The following INPP4A variants were observed in gnomAD, a reference collection of about 807,000 sequenced individuals.
INPP4A encodes the protein inositol polyphosphate-4-phosphatase type I A, also known as inositol polyphosphate-4-phosphatase, type I, 107kD.
In INPP4A, 33 loss-of-function variants were observed where a neutral mutation model predicts 119.8. That is an observed-to-expected ratio of 0.28 (90% confidence interval 0.21 to 0.37). The LOEUF (loss-of-function observed/expected upper bound fraction) is 0.37, where lower values mean the gene tolerates loss of function less well. Among genes scored for constraint, INPP4A ranks in the 10% least tolerant of loss-of-function variants. INPP4A has a pLI of 1.00. For synonymous variants in INPP4A, 496 were observed against 500.7 expected (o/e 0.99, Z 0.12); for missense variants, 956 against 1,289.9 (o/e 0.74, Z 3.97).
chr2:98,520,177 C>T lies in INPP4A; in HGVS notation c.106+23C>T, dbSNP rs374179416. 114 of 1,533,714 alleles carry T rather than the reference C, an allele frequency of 7.4e-5. 2 individuals carry two copies. Among genetic ancestry groups the T allele is most frequent in the Admixed American group, 6.5e-4 (33 of 51,056 alleles). Reference sequence around the variant, plus strand: ...CAGGTGAGCCTCACAGGGCCTGCACCGGGCTCCAGGTATGAGCTCACAGCA... The same window carrying T: ...CAGGTGAGCCTCACAGGGCCTGCACTGGGCTCCAGGTATGAGCTCACAGCA... On this transcript the variant is annotated intron_variant, in intron 3 of 24. Coordinates refer to ENST00000409851, the MANE Select transcript of INPP4A (RefSeq NM_001134225.2).
intron 1 of INPP4A, among the ~76,000 whole-genome samples, chr2:98,450,409 T>G (rs577613490): frequency 6.6e-6 from 1 of 152,250 alleles, no homozygotes; most frequent in Admixed American, 6.5e-5. Context: ...AATCAGGAAT[T>G]TCTTTTACAC....
chr2:98,484,200 C>G (rs1034316828), intron 1 of INPP4A, among the ~76,000 whole-genome samples: 8 of 152,162 alleles, frequency 5.3e-5, no homozygotes, highest in African/African-American at 1.9e-4. Context: ...ATGACTCTGT[C>G]TGCAGGGATG....
chr2:98,532,013 G>GA (rs1689330750), intron 4 of INPP4A, among the ~76,000 whole-genome samples: 1 of 152,222 alleles, frequency 6.6e-6, no homozygotes, highest in Non-Finnish European at 1.5e-5. Flanking sequence ...CTTAATGTCA[G>GA]AAAAAGTGTA....
At chr2:98,495,828 T>C (rs1681821976) in intron 1 of INPP4A, among the ~76,000 whole-genome samples, 2 of 152,118 alleles carry the variant, frequency 1.3e-5, no homozygotes, top group South Asian at 4.1e-4. Flanking sequence ...GCCAGACTCT[T>C]AGTTAATTCT....
At chr2:98,513,195 A>T (rs929787337) in intron 1 of INPP4A, among the ~76,000 whole-genome samples, 1 of 152,104 alleles carries the variant, frequency 6.6e-6, no homozygotes, top group African/African-American at 2.4e-5. Context: ...GCCTCCCAGA[A>T]TCAGTCCTTC....
intron 24 of INPP4A, among the ~76,000 whole-genome samples, chr2:98,580,423 C>G (rs1473210327): frequency 6.6e-6 from 1 of 152,242 alleles, no homozygotes; most frequent in Non-Finnish European, 1.5e-5. Flanking sequence ...GGGCCCATTT[C>G]AAGCTCCCAT....
intron 13 of INPP4A, among the ~76,000 whole-genome samples, chr2:98,549,902 G>A (rs768630601): frequency 8.5e-5 from 13 of 152,154 alleles, no homozygotes; most frequent in Non-Finnish European, 1.6e-4. Flanking sequence ...TTCTGTGGAA[G>A]TGGCCTCTCA....
At chr2:98,543,092 T>C (rs988975845) in intron 10 of INPP4A, among the ~76,000 whole-genome samples, 4 of 152,122 alleles carry the variant, frequency 2.6e-5, no homozygotes, top group Non-Finnish European at 5.9e-5. Flanking sequence ...GCTAATTTTT[T>C]GTATTTTTTA....
intron 1 of INPP4A, among the ~76,000 whole-genome samples, chr2:98,493,877 C>A (rs1681366678): frequency 6.6e-6 from 1 of 152,144 alleles, no homozygotes; most frequent in Non-Finnish European, 1.5e-5. Context: ...TTGGGATTCA[C>A]TTCTGGAATG....
At chr2:98,497,092 G>C (rs1221598366) in intron 1 of INPP4A, among the ~76,000 whole-genome samples, 2 of 152,226 alleles carry the variant, frequency 1.3e-5, no homozygotes, top group Non-Finnish European at 2.9e-5. Flanking sequence ...CTGTGTCCCA[G>C]CCGCTCTAGC....
At chr2:98,511,791 G>C (rs1378919089) in intron 1 of INPP4A, among the ~76,000 whole-genome samples, 1 of 152,196 alleles carries the variant, frequency 6.6e-6, no homozygotes, top group Non-Finnish European at 1.5e-5. Context: ...CACCAGGTCT[G>C]ATGCCATTGC....
intron 1 of INPP4A, among the ~76,000 whole-genome samples, chr2:98,513,504 A>G (rs1376237421): frequency 6.6e-6 from 1 of 152,248 alleles, no homozygotes; most frequent in Admixed American, 6.5e-5. Context: ...TTCCAAATAT[A>G]AACCAGAGGA....
At chr2:98,507,830 A>C (rs887582771) in intron 1 of INPP4A, among the ~76,000 whole-genome samples, 4 of 152,164 alleles carry the variant, frequency 2.6e-5, no homozygotes, top group Non-Finnish European at 5.9e-5. Context: ...AGCTCAGCCC[A>C]GACTCCTGAG....
At chr2:98,474,333 C>T (rs527805778) in intron 1 of INPP4A, among the ~76,000 whole-genome samples, 22 of 152,312 alleles carry the variant, frequency 1.4e-4, no homozygotes, top group African/African-American at 5.3e-4. Flanking sequence ...TTTTTTGAAG[C>T]AGGATTCTTA....
chr2:98,587,470 C>T lies in INPP4A; in HGVS notation c.2787-6C>T, dbSNP rs754320013. 7 of 1,557,764 alleles carry T rather than the reference C, an allele frequency of 4.5e-6. No homozygotes were observed. Among genetic ancestry groups the T allele is most frequent in the East Asian group, 2.4e-5 (1 of 42,132 alleles). On this transcript the variant is annotated splice_region_variant and splice_polypyrimidine_tract_variant and intron_variant, in intron 24 of 24. Coordinates refer to ENST00000409851, the MANE Select transcript of INPP4A (RefSeq NM_001134225.2). ...CCGTCATTTCTTGTGCTTGTTTTTT[C>T]CCCAGTGAGGGTTGTCGAAGAGAAA...
chr2:98,558,447 G>A lies in INPP4A; in HGVS notation c.1823-1016G>A, dbSNP rs548827689. Among the ~76,000 whole-genome samples the A allele has an allele frequency of 2.6e-5, 4 of 152,320 alleles. No homozygotes were observed. In the South Asian group the frequency reaches 6.2e-4, roughly 24 times the overall value. On this transcript the variant is annotated intron_variant, in intron 16 of 24. Transcript: ENST00000409851. The stretch of plus-strand genomic sequence containing the variant: ...ATGGTCTCAGGGCATCTGGGTTAAC[G>A]AAGAGGTCGAACTCTTGAACTTGCA...
intron 1 of INPP4A, among the ~76,000 whole-genome samples, chr2:98,498,011 T>A (rs1223100802): frequency 6.6e-6 from 1 of 152,222 alleles, no homozygotes; most frequent in East Asian, 1.9e-4. Context: ...ACGTGCCTTG[T>A]CTCAGATAAG....
chr2:98,550,069 A>T (rs575700701), intron 13 of INPP4A, among the ~76,000 whole-genome samples: 3 of 151,992 alleles, frequency 2.0e-5, no homozygotes, highest in African/African-American at 4.8e-5. Flanking sequence ...GCTGCCCCCA[A>T]GGCCTGCTCC....
At position 98,554,288 on chromosome 2, in the gene INPP4A, G is replaced by A. The variant is rs368684052; in HGVS notation, c.1365G>A (p.Thr455=). Residue 455 remains threonine, a synonymous_variant, in exon 15 of 25, where the codon ACG becomes ACA. Transcript: ENST00000409851. The surrounding 1 kb of genome is among the most constrained non-coding windows in gnomAD (Gnocchi z 4.7). Reference sequence around the variant, plus strand: ...ACCTGCAGACACGGCAGCTGGTCACGGTCTGCGACTGCAAGCTCCTGGCCA... The same window carrying A: ...ACCTGCAGACACGGCAGCTGGTCACAGTCTGCGACTGCAAGCTCCTGGCCA... ...ILADKTRQLV[T]VCDCKLLANS... 3.9e-5 allele frequency: 63 copies of A among 1,606,772 alleles called. No individual in the cohort carries two copies. Among genetic ancestry groups the A allele is most frequent in the African/African-American group, 3.3e-4 (25 of 74,740 alleles).
Sources: gnomAD v4.1 joint callset for allele counts (sites outside exome capture counted in the v4.1 genomes callset) on GRCh38, gnomAD v4.1.1 for gene constraint, Gnocchi (gnomAD v3.1) non-coding constraint, MANE v1.5 for transcripts, NCBI Gene and HGNC (gene_info 2026-07-23, HGNC 2026-07-21) for gene names.